The following ATXN1 variants were observed in gnomAD, a reference collection of about 807,000 sequenced individuals.
ATXN1 encodes the protein ataxin 1.
A neutral mutation model predicts 56.4 loss-of-function variants in ATXN1; 8 were observed. The observed-to-expected ratio is 0.14, with a 90% CI of 0.08 to 0.26. The LOEUF is 0.26. Among genes scored for constraint, ATXN1 ranks in the 10% least tolerant of loss-of-function variants. ATXN1 has a pLI of 1.00. For missense variants in ATXN1, 987 were observed against 1,106.5 expected, an observed-to-expected ratio of 0.89 and a Z score of 1.53; for synonymous variants, 514 against 494.6, an observed-to-expected ratio of 1.04 and a Z score of -0.52.
chr6:16,313,046 T>A (rs2113384166), intron 7 of ATXN1, among the ~76,000 whole-genome samples: 1 of 152,110 alleles, frequency 6.6e-6, no homozygotes, highest in South Asian at 2.1e-4. Context: ...CCTGGCTAAT[T>A]TTTGTATTTT....
intron 6 of ATXN1, among the ~76,000 whole-genome samples, chr6:16,447,114 TTGAATGA>T (rs1759651684): frequency 2.0e-5 from 3 of 152,238 alleles, no homozygotes; most frequent in African/African-American, 7.2e-5. Flanking sequence ...CAGAGGCTTG[TTGAATGA>T]CTCAGTTTCC....
intron 6 of ATXN1, among the ~76,000 whole-genome samples, chr6:16,333,124 A>G (rs1280881706): frequency 6.6e-6 from 1 of 152,232 alleles, no homozygotes; most frequent in Admixed American, 6.5e-5. Context: ...AACATCTAAT[A>G]TTTAGGTGAT....
intron 3 of ATXN1, among the ~76,000 whole-genome samples, chr6:16,614,487 C>A (rs976537619): frequency 6.6e-6 from 1 of 151,580 alleles, no homozygotes; most frequent in East Asian, 1.9e-4. Context: ...ATTATCAAAG[C>A]GGCCAAAAAG....
At chr6:16,713,209 T>C (rs988740724) in intron 2 of ATXN1, among the ~76,000 whole-genome samples, 2 of 152,192 alleles carry the variant, frequency 1.3e-5, no homozygotes, top group Non-Finnish European at 2.9e-5. Context: ...GTCCAAACTA[T>C]CTGAATCTAG....
At chr6:16,608,135 G>C (rs370259794) in intron 3 of ATXN1, among the ~76,000 whole-genome samples, 1 of 152,140 alleles carries the variant, frequency 6.6e-6, no homozygotes, top group Admixed American at 6.5e-5. Flanking sequence ...TCTGTTCCAC[G>C]CAACCCTGGC....
intron 2 of ATXN1, among the ~76,000 whole-genome samples, chr6:16,708,976 A>C (rs952150848): frequency 6.6e-5 from 10 of 151,954 alleles, no homozygotes; most frequent in Non-Finnish European, 1.2e-4. Context: ...CAGTGAGCCA[A>C]GATTGTGCCA....
At chr6:16,678,082 C>T (rs77458480) in intron 2 of ATXN1, among the ~76,000 whole-genome samples, 2,031 of 151,998 alleles carry the variant, frequency 0.013, 31 homozygotes, top group Middle Eastern at 0.027. Flanking sequence ...TTACCAAGAG[C>T]AAAAAGAAGG....
chr6:16,370,650 C>CAT (rs1269089361), intron 6 of ATXN1, among the ~76,000 whole-genome samples: 4 of 152,166 alleles, frequency 2.6e-5, no homozygotes, highest in East Asian at 1.9e-4. Flanking sequence ...TGTATTTTGG[C>CAT]ATATATATAT....
chr6:16,524,685 T>C (rs1761357479), intron 4 of ATXN1, among the ~76,000 whole-genome samples: 1 of 152,236 alleles, frequency 6.6e-6, no homozygotes, highest in African/African-American at 2.4e-5. Flanking sequence ...ATTATCACCA[T>C]TTGGCACACA....
intron 3 of ATXN1, among the ~76,000 whole-genome samples, chr6:16,638,872 A>G (rs729768): frequency 0.59 from 89,970 of 151,844 alleles, 26,657 homozygotes; most frequent in African/African-American, 0.64. Flanking sequence ...CAAGTAGCCC[A>G]GATTAATATC....
intron 2 of ATXN1, among the ~76,000 whole-genome samples, chr6:16,731,514 C>A (rs1216369402): frequency 9.6e-6 from 1 of 104,022 alleles, no homozygotes; most frequent in Non-Finnish European, 1.8e-5. Context: ...CTCTTGCTTT[C>A]AGGAGCTTGA....
intron 6 of ATXN1, among the ~76,000 whole-genome samples, chr6:16,353,128 T>G (rs1207045924): frequency 1.3e-5 from 2 of 152,186 alleles, no homozygotes; most frequent in African/African-American, 2.4e-5. Context: ...AACTGTTTAT[T>G]TCTGGAATTT....
At chr6:16,457,747 C>T (rs1322905698) in intron 6 of ATXN1, among the ~76,000 whole-genome samples, 2 of 152,174 alleles carry the variant, frequency 1.3e-5, no homozygotes, top group South Asian at 2.1e-4. Context: ...TCTCAGATTA[C>T]CTCCATATCC....
intron 6 of ATXN1, among the ~76,000 whole-genome samples, chr6:16,333,402 G>A (rs1761035375): frequency 6.6e-6 from 1 of 152,206 alleles, no homozygotes; most frequent in African/African-American, 2.4e-5. Flanking sequence ...ATAGGAAAAT[G>A]AGATGCTTCT....
intron 6 of ATXN1, among the ~76,000 whole-genome samples, chr6:16,440,649 A>AAAAAAAAAAAAAAGAG (rs56105499): frequency 8.8e-6 from 1 of 113,660 alleles, no homozygotes; most frequent in Non-Finnish European, 1.8e-5. Context: ...TTAAAAAAAA[A>AAAAAAAAAAAAAAGAG]AAAGAAAAGA....
intron 2 of ATXN1, among the ~76,000 whole-genome samples, chr6:16,684,348 C>A (rs139496823): frequency 9.9e-4 from 150 of 152,210 alleles, no homozygotes; most frequent in African/African-American, 3.5e-3. Flanking sequence ...CGGAAGTGGT[C>A]TGAAGGATTG....
chr6:16,719,637 C>T (rs1052433561), intron 2 of ATXN1, among the ~76,000 whole-genome samples: 13 of 152,172 alleles, frequency 8.5e-5, no homozygotes, highest in Admixed American at 2.0e-4. Context: ...ATAGGCTCTC[C>T]GGATGGTCAC....
At chr6:16,571,427 T>C (rs926950217) in intron 4 of ATXN1, among the ~76,000 whole-genome samples, 3 of 152,228 alleles carry the variant, frequency 2.0e-5, no homozygotes, top group Non-Finnish European at 4.4e-5. Context: ...GGCTACTTCA[T>C]GGAGTATTCT....
At chr6:16,426,103 A>G (rs781209555) in intron 6 of ATXN1, among the ~76,000 whole-genome samples, 8 of 152,120 alleles carry the variant, frequency 5.3e-5, no homozygotes, top group Non-Finnish European at 5.9e-5. Context: ...TTCATCCGCT[A>G]TTTCACTCTG....
Sources: allele counts gnomAD v4.1 joint callset (sites outside exome capture counted in the v4.1 genomes callset), GRCh38; gene constraint gnomAD v4.1.1; transcripts MANE v1.5; gene names NCBI Gene and HGNC (gene_info 2026-07-23, HGNC 2026-07-21).